The following EBF1 variants were observed in gnomAD, a reference collection of about 807,000 sequenced individuals.
The protein encoded by EBF1 is EBF transcription factor 1, also known as transcription factor COE1.
Under a neutral mutation model 68.4 loss-of-function variants are expected in EBF1, and 10 were observed. The ratio of observed to expected loss-of-function variants is 0.15; its 90% CI spans 0.09 to 0.25. The LOEUF is 0.25. Ranked by LOEUF, EBF1 falls within the 10% of genes least tolerant of loss-of-function variation. The pLI, the probability that EBF1 is intolerant of heterozygous loss-of-function variation, is 1.00. For missense variants in EBF1, 509 were observed against 794.4 expected (o/e 0.64, Z 4.32); for synonymous variants, 298 against 299.8 (o/e 0.99, Z 0.06).
intron 10 of EBF1, among the ~76,000 whole-genome samples, chr5:158,766,619 A>G (rs1302022076): frequency 6.6e-6 from 1 of 152,164 alleles, no homozygotes; most frequent in African/African-American, 2.4e-5. Flanking sequence ...GAATCACACT[A>G]TATTCTGGCA....
At chr5:158,856,911 A>G (rs993382852) in intron 6 of EBF1, among the ~76,000 whole-genome samples, 1 of 152,110 alleles carries the variant, frequency 6.6e-6, no homozygotes, top group Non-Finnish European at 1.5e-5. Flanking sequence ...CAGCTACCAT[A>G]TTTCCCTCAG....
At chr5:158,971,608 C>A (rs373102768) in intron 6 of EBF1, among the ~76,000 whole-genome samples, 2 of 152,200 alleles carry the variant, frequency 1.3e-5, no homozygotes, top group African/African-American at 4.8e-5. Context: ...ATACTGAGAA[C>A]CTCTGTTTTC....
At chr5:158,899,094 A>G (rs1041468500) in intron 6 of EBF1, among the ~76,000 whole-genome samples, 2 of 152,232 alleles carry the variant, frequency 1.3e-5, no homozygotes, top group Non-Finnish European at 2.9e-5. Flanking sequence ...AATGTATCTG[A>G]ATAATTACGT....
In EBF1 at chr5:158,697,190, G is replaced by T. The variant is rs554331546; in HGVS notation, c.*1921C>A. The T allele has an allele frequency of 5.2e-6, 1 of 193,504 alleles. No homozygotes were observed. Among genetic ancestry groups the T allele is most frequent in the Admixed American group, 6.1e-5 (1 of 16,378 alleles). 12.0% of individuals were successfully genotyped at this position (193,504 alleles called of 1,614,324 possible). ...ATTAATAGAGTAAAACAGCATTAGG[G>T]TTGTTTTGTAAGCTTCCAAAGCAAA... On this transcript the variant is annotated 3_prime_UTR_variant, in exon 16 of 16. Transcript: ENST00000313708.
intron 6 of EBF1, among the ~76,000 whole-genome samples, chr5:159,033,195 C>T (rs1309192168): frequency 6.6e-6 from 1 of 152,192 alleles, no homozygotes; most frequent in Admixed American, 6.5e-5. Flanking sequence ...GTTCTGCACA[C>T]GTTTACCCGC....
chr5:158,752,839 T>A (rs1769225784), intron 10 of EBF1, among the ~76,000 whole-genome samples: 1 of 152,086 alleles, frequency 6.6e-6, no homozygotes, highest in Admixed American at 6.6e-5. Flanking sequence ...ACCACACAGA[T>A]AATTATAGAT....
intron 8 of EBF1, among the ~76,000 whole-genome samples, chr5:158,810,278 G>A (rs1054800177): frequency 7.2e-5 from 11 of 152,264 alleles, no homozygotes; most frequent in Middle Eastern, 3.4e-3. Flanking sequence ...ATTTGCCTCA[G>A]GCCCAGCACA....
intron 6 of EBF1, among the ~76,000 whole-genome samples, chr5:158,956,028 A>ATG (rs56311243): frequency 0.011 from 1,606 of 141,120 alleles, 15 homozygotes; most frequent in East Asian, 0.031. Flanking sequence ...ATAAATATAA[A>ATG]TGTGTGTGTG....
chr5:159,048,490 C>T (rs1487473068), intron 6 of EBF1, among the ~76,000 whole-genome samples: 1 of 152,184 alleles, frequency 6.6e-6, no homozygotes, highest in Non-Finnish European at 1.5e-5. Context: ...GGGACAGGTG[C>T]CAGGAGATAA....
intron 6 of EBF1, among the ~76,000 whole-genome samples, chr5:158,992,951 C>T (rs866020502): frequency 1.2e-3 from 116 of 94,392 alleles, no homozygotes; most frequent in African/African-American, 4.2e-3. Context: ...TTTTTTGAGA[C>T]GGAGTCTTGC....
chr5:158,735,155 A>T lies in EBF1; in HGVS notation c.1037-3998T>A, dbSNP rs963144049. Among the ~76,000 whole-genome samples, 24 of 152,156 alleles carry T rather than the reference A, an allele frequency of 1.6e-4. 1 individual carries two copies. Among genetic ancestry groups the T allele is most frequent in the Non-Finnish European group, 1.5e-5 (1 of 68,024 alleles). On this transcript the variant is annotated intron_variant, in intron 10 of 15. Transcript: ENST00000313708. Reference sequence around the variant, plus strand: ...TAAGCCCTTTAAAACAAACTTTCCGAAAGGTACACATAATCCAACCCCCAA... The same window carrying T: ...TAAGCCCTTTAAAACAAACTTTCCGTAAGGTACACATAATCCAACCCCCAA...
At chr5:159,003,543 A>G (rs549034809) in intron 6 of EBF1, among the ~76,000 whole-genome samples, 7 of 152,316 alleles carry the variant, frequency 4.6e-5, no homozygotes, top group South Asian at 2.1e-4. Context: ...AGGACTAACC[A>G]GAAGACCTTG....
At chr5:158,986,298 T>C (rs1305042960) in intron 6 of EBF1, 1 of 152,220 alleles carries the variant, frequency 6.6e-6, no homozygotes, top group Non-Finnish European at 1.5e-5. Flanking sequence ...CTGGATGAAA[T>C]GGGGAACAGG....
At chr5:158,699,333 TAATA>T (rs1446144397) in intron 15 of EBF1, among the ~76,000 whole-genome samples, 191 bp from the exon 16 acceptor site, 15 of 147,968 alleles carry the variant, frequency 1.0e-4, no homozygotes, top group Admixed American at 9.9e-4. Context: ...TTAAAAATTA[TAATA>T]AATCAGCATG....
chr5:158,927,968 C>T (rs1810033064), intron 6 of EBF1, among the ~76,000 whole-genome samples: 1 of 152,200 alleles, frequency 6.6e-6, no homozygotes, highest in Non-Finnish European at 1.5e-5. Flanking sequence ...CCCAGGCAGC[C>T]TGCCTAAAAC....
chr5:159,021,096 C>A (rs1207981240), intron 6 of EBF1, among the ~76,000 whole-genome samples: 1 of 152,196 alleles, frequency 6.6e-6, no homozygotes, highest in Admixed American at 6.5e-5. Context: ...ATTATTCGAG[C>A]TCAGTAGCAA....
At chr5:158,941,463 TA>T (rs1813367072) in intron 6 of EBF1, among the ~76,000 whole-genome samples, 1 of 152,068 alleles carries the variant, frequency 6.6e-6, no homozygotes, top group Non-Finnish European at 1.5e-5. Flanking sequence ...ACACACTCTA[TA>T]GGGGCACACG....
chr5:159,040,871 G>A (rs572018935), intron 6 of EBF1, among the ~76,000 whole-genome samples: 73 of 152,276 alleles, frequency 4.8e-4, no homozygotes, highest in Admixed American at 8.5e-4. Context: ...CACTGATGCC[G>A]ATGGGGGTGA....
chr5:158,972,188 T>C (rs780252028), intron 6 of EBF1, among the ~76,000 whole-genome samples: 2 of 152,120 alleles, frequency 1.3e-5, no homozygotes, highest in African/African-American at 4.8e-5. Context: ...CCTGCCCACC[T>C]CAATCTGTGT....
Sources: gnomAD v4.1 joint callset for allele counts (sites outside exome capture counted in the v4.1 genomes callset) on GRCh38, gnomAD v4.1.1 for gene constraint, MANE v1.5 for transcripts, NCBI Gene and HGNC (gene_info 2026-07-23, HGNC 2026-07-21) for gene names.